Variants in UGGT2 observed in about 807,000 individuals in gnomAD.
UGGT2 encodes the protein UDP-glucose glycoprotein glucosyltransferase 2.
In UGGT2, 180 loss-of-function variants were observed where a neutral mutation model predicts 192.1. The ratio of observed to expected loss-of-function variants is 0.94; its 90% CI spans 0.83 to 1.06. The LOEUF is 1.06. Among genes scored for constraint, UGGT2 ranks in the 50% least tolerant of loss-of-function variants. The pLI is 0.00. For synonymous variants in UGGT2, 580 were observed against 591.0 expected, an observed-to-expected ratio of 0.98 and a Z score of 0.27; for missense variants, 1,849 against 1,795.7, an observed-to-expected ratio of 1.03 and a Z score of -0.54.
At chr13:95,918,245 T>C (rs1319286535) in intron 20 of UGGT2, among the ~76,000 whole-genome samples, 4 of 152,120 alleles carry the variant, frequency 2.6e-5, no homozygotes, top group Non-Finnish European at 2.9e-5. Flanking sequence ...ACCACACAAC[T>C]ACATGAAAAT....
intron 4 of UGGT2, among the ~76,000 whole-genome samples, chr13:96,021,042 T>C (rs2139109816): frequency 1.3e-5 from 2 of 152,328 alleles, no homozygotes; most frequent in African/African-American, 4.8e-5. Flanking sequence ...TTGGCATATG[T>C]TTCCGTTAAG....
At chr13:95,946,484 T>C (rs1315475653) in intron 15 of UGGT2, among the ~76,000 whole-genome samples, 1 of 152,210 alleles carries the variant, frequency 6.6e-6, no homozygotes, top group Non-Finnish European at 1.5e-5. Flanking sequence ...TCCTCCCACA[T>C]CAGTCTCCTG....
chr13:95,833,479 T>A (rs1042481814), intron 37 of UGGT2, among the ~76,000 whole-genome samples: 10 of 152,198 alleles, frequency 6.6e-5, no homozygotes, highest in Non-Finnish European at 1.5e-4. Flanking sequence ...TGTGTATGTA[T>A]CACATAATTA....
chr13:96,041,979 TC>T (rs2053177252), intron 1 of UGGT2, among the ~76,000 whole-genome samples: 1 of 152,090 alleles, frequency 6.6e-6, no homozygotes, highest in Non-Finnish European at 1.5e-5. Flanking sequence ...TCTTAGGAGT[TC>T]CAGGGCCCAC....
At chr13:96,039,870 C>A (rs1594626980) in intron 1 of UGGT2, among the ~76,000 whole-genome samples, 1 of 152,184 alleles carries the variant, frequency 6.6e-6, no homozygotes, top group Non-Finnish European at 1.5e-5. Flanking sequence ...TCCTTCCAAG[C>A]CATGGCCAGA....
intron 25 of UGGT2, among the ~76,000 whole-genome samples, chr13:95,890,530 C>T (rs1232598246): frequency 6.6e-6 from 1 of 152,150 alleles, no homozygotes; most frequent in African/African-American, 2.4e-5. Flanking sequence ...ACCCATATAA[C>T]CTCATTTAAC....
intron 8 of UGGT2, among the ~76,000 whole-genome samples, chr13:95,988,203 C>T (rs1197289696): frequency 6.6e-6 from 1 of 152,010 alleles, no homozygotes; most frequent in Admixed American, 6.6e-5. Context: ...TCAATCATGC[C>T]TGTCTCTGTA....
intron 1 of UGGT2, among the ~76,000 whole-genome samples, chr13:96,042,515 T>G (rs1434368097): frequency 6.6e-6 from 1 of 151,604 alleles, no homozygotes; most frequent in Non-Finnish European, 1.5e-5. Flanking sequence ...CAAACTAAGA[T>G]GAAATGCCTG....
intron 1 of UGGT2, among the ~76,000 whole-genome samples, chr13:96,050,680 C>G (rs1374008008): frequency 6.6e-6 from 1 of 152,280 alleles, no homozygotes; most frequent in Middle Eastern, 3.4e-3. Flanking sequence ...AGGATATGAA[C>G]AGACACTTCT....
In UGGT2 at chr13:95,979,800, GA is replaced by G. The variant is rs890531740; in HGVS notation, c.1092+4003del. Among the ~76,000 whole-genome samples, 11 of 150,698 alleles carry G rather than the reference GA, an allele frequency of 7.3e-5. 1 individual carries two copies. The highest frequency in any genetic ancestry group is 2.2e-4 in the African/African-American group (9 of 41,068). On this transcript the variant is annotated intron_variant, in intron 10 of 38. Coordinates refer to ENST00000376747, the MANE Select transcript of UGGT2 (RefSeq NM_020121.4). Reference sequence around the variant, plus strand: ...ATCTACACAGAACTCAAATCAGCAAGAAAAAAAAATCCCATCAAAAAGTGGG... The same window carrying G: ...ATCTACACAGAACTCAAATCAGCAAGAAAAAAAATCCCATCAAAAAGTGGG...
At chr13:96,025,528 AT>A (rs1222025058) in intron 2 of UGGT2, among the ~76,000 whole-genome samples, 5 of 152,238 alleles carry the variant, frequency 3.3e-5, no homozygotes, top group African/African-American at 1.2e-4. Flanking sequence ...AAAGATGACA[AT>A]AAAAAGTCTC....
At chr13:96,012,724 G>C (rs1202658136) in intron 5 of UGGT2, among the ~76,000 whole-genome samples, 2 of 141,058 alleles carry the variant, frequency 1.4e-5, no homozygotes, top group African/African-American at 2.6e-5. Flanking sequence ...TCCTCTAATG[G>C]CCATTATATT....
At chr13:96,043,120 C>A (rs1446161466) in intron 1 of UGGT2, among the ~76,000 whole-genome samples, 2 of 152,110 alleles carry the variant, frequency 1.3e-5, no homozygotes, top group Admixed American at 1.3e-4. Context: ...GGCAAAAACA[C>A]CAGGTAACTA....
chr13:95,810,644 G>C (rs1884534989), intron 38 of UGGT2, among the ~76,000 whole-genome samples: 1 of 151,948 alleles, frequency 6.6e-6, no homozygotes, highest in Non-Finnish European at 1.5e-5. Context: ...TTTCCAATAT[G>C]TTTGTTGAAA....
chr13:95,878,060 G>GA (rs1418348720), intron 27 of UGGT2, among the ~76,000 whole-genome samples: 1 of 151,544 alleles, frequency 6.6e-6, no homozygotes, highest in Non-Finnish European at 1.5e-5. Context: ...TCTTTTTCAT[G>GA]ACATCAGCTT....
chr13:95,847,675 G>C (rs1888610673), intron 36 of UGGT2, among the ~76,000 whole-genome samples: 1 of 152,034 alleles, frequency 6.6e-6, no homozygotes, highest in Non-Finnish European at 1.5e-5. Context: ...CCATGGTCTG[G>C]ATGTACCCGT....
chr13:95,850,571 C>T (rs567952387), intron 36 of UGGT2, among the ~76,000 whole-genome samples: 15 of 152,336 alleles, frequency 9.8e-5, no homozygotes, highest in Admixed American at 1.3e-4. Flanking sequence ...AGTAGACATG[C>T]TGGCAGAGAT....
intron 25 of UGGT2, among the ~76,000 whole-genome samples, chr13:95,889,836 G>A (rs972469059): frequency 2.6e-5 from 4 of 152,148 alleles, no homozygotes; most frequent in African/African-American, 9.7e-5. Context: ...CGGACATTCT[G>A]GTCAGTGAGA....
intron 7 of UGGT2, 196 bp downstream of exon 7, chr13:95,995,867 G>C: frequency 1.8e-6 from 1 of 553,576 alleles, no homozygotes; most frequent in African/African-American, 2.0e-5. Flanking sequence ...ATTTTTAAAT[G>C]TGCTTTTCTG....
Sources: gnomAD v4.1 joint callset for allele counts (sites outside exome capture counted in the v4.1 genomes callset) on GRCh38, gnomAD v4.1.1 for gene constraint, MANE v1.5 for transcripts, NCBI Gene and HGNC (gene_info 2026-07-23, HGNC 2026-07-21) for gene names.